TP63: variants seen among roughly 807,000 people sequenced by gnomAD.
TP63 encodes the protein tumor protein 63.
A neutral mutation model predicts 82.8 loss-of-function variants in TP63; 17 were observed. The ratio of observed to expected loss-of-function variants is 0.21; its 90% confidence interval spans 0.14 to 0.31. The LOEUF (loss-of-function observed/expected upper bound fraction) is 0.31. Ranked by LOEUF, TP63 falls within the 10% of genes least tolerant of loss-of-function variation. TP63 has a pLI of 1.00. For synonymous variants in TP63, 330 were observed against 321.7 expected, an observed-to-expected ratio of 1.03 and a Z score of -0.28; for missense variants, 648 against 895.3, an observed-to-expected ratio of 0.72 and a Z score of 3.52.
intron 5 of TP63, among the ~76,000 whole-genome samples, chr3:189,864,773 G>A (rs920610869): frequency 6.6e-5 from 10 of 152,132 alleles, no homozygotes; most frequent in Non-Finnish European, 8.8e-5. Context: ...TTGCGAGGCC[G>A]AGGTGGGCAG....
At chr3:189,857,277 T>C (rs1716411504) in intron 4 of TP63, among the ~76,000 whole-genome samples, 1 of 152,030 alleles carries the variant, frequency 6.6e-6, no homozygotes, top group East Asian at 1.9e-4. Context: ...CAAGGGAAAA[T>C]ATGCAGGTAA....
chr3:189,840,924 G>C (rs1251711525), intron 4 of TP63, among the ~76,000 whole-genome samples: 1 of 150,554 alleles, frequency 6.6e-6, no homozygotes, highest in African/African-American at 2.5e-5. Context: ...TTTGAAGCTA[G>C]AGAGCGCTTT....
intron 1 of TP63, among the ~76,000 whole-genome samples, chr3:189,722,605 CACA>C (rs1719477043): frequency 6.2e-5 from 2 of 32,480 alleles, no homozygotes; most frequent in South Asian, 7.5e-4. Flanking sequence ...GGAGAGTCCG[CACA>C]GTGCACAGTG....
At chr3:189,876,715 C>T (rs1719271589) in intron 10 of TP63, among the ~76,000 whole-genome samples, 2 of 152,146 alleles carry the variant, frequency 1.3e-5, no homozygotes, top group South Asian at 4.1e-4. Context: ...CTATATAAAT[C>T]CTTCAGTTGA....
intron 4 of TP63, among the ~76,000 whole-genome samples, chr3:189,841,617 T>C (rs1714133488): frequency 6.6e-6 from 1 of 152,236 alleles, no homozygotes; most frequent in Non-Finnish European, 1.5e-5. Context: ...TGTGTGGTAT[T>C]ATATCGCCAA....
chr3:189,885,165 G>A (rs1720310151), intron 10 of TP63, among the ~76,000 whole-genome samples: 1 of 152,158 alleles, frequency 6.6e-6, no homozygotes, highest in Non-Finnish European at 1.5e-5. Context: ...TTGTTAAAGG[G>A]GAGTTTTCCC....
intron 10 of TP63, among the ~76,000 whole-genome samples, chr3:189,874,527 T>C (rs1427650948): frequency 6.6e-6 from 1 of 152,222 alleles, no homozygotes; most frequent in African/African-American, 2.4e-5. Context: ...AAGATCCTTT[T>C]TGGCCCGAAG....
chr3:189,877,462 C>T (rs191546403), intron 10 of TP63, among the ~76,000 whole-genome samples: 2 of 152,256 alleles, frequency 1.3e-5, no homozygotes, highest in East Asian at 1.9e-4. Flanking sequence ...AACATAAAAG[C>T]GAGGCTGACA....
At chr3:189,761,597 A>G (rs1161650541) in intron 3 of TP63, among the ~76,000 whole-genome samples, 1 of 152,140 alleles carries the variant, frequency 6.6e-6, no homozygotes, top group Non-Finnish European at 1.5e-5. Context: ...ACTTCCCTGC[A>G]TTATCTTGTC....
intron 1 of TP63, among the ~76,000 whole-genome samples, chr3:189,665,644 G>A (rs1714320808): frequency 6.6e-6 from 1 of 152,016 alleles, no homozygotes; most frequent in Non-Finnish European, 1.5e-5. Context: ...ATTAATTCTG[G>A]AGTCACACTT....
At chr3:189,679,895 T>C (rs1315681133) in intron 1 of TP63, among the ~76,000 whole-genome samples, 1 of 152,192 alleles carries the variant, frequency 6.6e-6, no homozygotes, top group African/African-American at 2.4e-5. Context: ...TTGTATGTTC[T>C]TGGCACTTTG....
chr3:189,629,144 G>A (rs558938151), upstream of TP63, among the ~76,000 whole-genome samples: 8 of 152,092 alleles, frequency 5.3e-5, no homozygotes, highest in East Asian at 1.9e-4. Flanking sequence ...TTGGGAAGCC[G>A]GGTCGGGAGG....
At chr3:189,868,531 C>A (rs1297386531) in intron 7 of TP63, 49 bp from the exon 8 acceptor site, 1 of 1,609,608 alleles carries the variant, frequency 6.2e-7, no homozygotes, top group Non-Finnish European at 8.5e-7. Flanking sequence ...AGGGGACTTT[C>A]AAAATGCTTT....
At chr3:189,664,398 T>TCTG (rs1714195026) in intron 1 of TP63, among the ~76,000 whole-genome samples, 1 of 152,142 alleles carries the variant, frequency 6.6e-6, no homozygotes, top group African/African-American at 2.4e-5. Flanking sequence ...ACTTTAAAGC[T>TCTG]AGAGATGGTC....
At chr3:189,599,283 T>G in the TP63 span, among the ~76,000 whole-genome samples, 1 of 152,290 alleles carries the variant, frequency 6.6e-6, no homozygotes, top group African/African-American at 2.4e-5. Flanking sequence ...AACCAGCCAC[T>G]TTGCTTTCTC....
At chr3:189,698,134 A>G (rs1717530846) in intron 1 of TP63, among the ~76,000 whole-genome samples, 1 of 152,062 alleles carries the variant, frequency 6.6e-6, no homozygotes, top group Admixed American at 6.6e-5. Context: ...AGAAGCATCC[A>G]GTTTCGTACC....
intron 1 of TP63, among the ~76,000 whole-genome samples, chr3:189,719,020 A>G (rs560889128): frequency 1.3e-5 from 2 of 152,314 alleles, no homozygotes; most frequent in South Asian, 4.2e-4. Flanking sequence ...TCTCTCAGAC[A>G]TAACTGAATG....
intron 4 of TP63, among the ~76,000 whole-genome samples, chr3:189,819,439 C>A (rs60996916): frequency 1.7e-3 from 261 of 152,110 alleles, no homozygotes; most frequent in African/African-American, 5.4e-3. Context: ...TGCTATCCCT[C>A]CCCCCTTCCC....
intron 3 of TP63, among the ~76,000 whole-genome samples, chr3:189,776,212 G>A (rs948044307): frequency 6.6e-6 from 1 of 152,158 alleles, no homozygotes; most frequent in African/African-American, 2.4e-5. Flanking sequence ...AAAGTCTCTT[G>A]ATGTAATATT....
Sources: allele counts gnomAD v4.1 joint callset (sites outside exome capture counted in the v4.1 genomes callset), GRCh38; gene constraint gnomAD v4.1.1; transcripts MANE v1.5; gene names NCBI Gene and HGNC (gene_info 2026-07-23, HGNC 2026-07-21).